Variants in SCAMP2 observed in about 807,000 individuals in gnomAD.
The protein encoded by SCAMP2 is secretory carrier membrane protein 2.
A neutral mutation model predicts 44.1 loss-of-function variants in SCAMP2; 25 were observed. That is an observed-to-expected ratio of 0.57 (90% CI 0.41 to 0.79). The LOEUF is 0.79. Ranked by LOEUF, SCAMP2 falls within the 30% of genes least tolerant of loss-of-function variation. The probability of loss-of-function intolerance (pLI) is 0.00; values close to 1 mark genes in which losing one functional copy is unlikely to be tolerated. For missense variants in SCAMP2, 355 were observed against 411.0 expected (o/e 0.86, Z 1.18); for synonymous variants, 156 against 166.0 (o/e 0.94, Z 0.46).
chr15:74,845,565 C>G lies in SCAMP2; in HGVS notation c.763G>C (p.Asp255His). The G allele has an allele frequency of 1.9e-6, 3 of 1,614,096 alleles. No homozygotes were observed. The South Asian group carries it at 3.3e-5, about 18-fold the overall frequency. The change falls in exon 8 of 9, where the codon GAT becomes CAT. Residue 255 changes from aspartate (D) to histidine (H), a missense_variant. By Grantham distance (81) the Asp-to-His change is moderately conservative. Transcript: ENST00000268099. ...SGWIAALSTL[D>H]NHSLAISVIM... ...ACTGATATGGCCAGGGAATGATTAT[C>G]CAGTGTAGACAGGGCTGCAATCCAA...
intron 1 of SCAMP2, among the ~76,000 whole-genome samples, chr15:74,858,579 G>A (rs768835390): frequency 6.6e-6 from 1 of 152,052 alleles, no homozygotes; most frequent in Non-Finnish European, 1.5e-5. Flanking sequence ...CTTGTCTTAA[G>A]ATCTCAGGGG....
intron 1 of SCAMP2, among the ~76,000 whole-genome samples, chr15:74,862,126 G>A (rs1296587863): frequency 6.7e-6 from 1 of 150,226 alleles, no homozygotes; most frequent in Non-Finnish European, 1.5e-5. Flanking sequence ...AGCCAGGCGT[G>A]GTGGCATGCG....
chr15:74,869,170 G>T (rs886956204), intron 1 of SCAMP2, among the ~76,000 whole-genome samples: 2 of 151,934 alleles, frequency 1.3e-5, no homozygotes, highest in Non-Finnish European at 2.9e-5. Context: ...CATAAACAAA[G>T]AAACAAAAAC....
At chr15:74,862,461 A>G (rs988989983) in intron 1 of SCAMP2, among the ~76,000 whole-genome samples, 1 of 151,432 alleles carries the variant, frequency 6.6e-6, no homozygotes, top group South Asian at 2.1e-4. Flanking sequence ...CTCTAATTCC[A>G]GGTACTTGGG....
chr15:74,859,883 C>T (rs569644123), intron 1 of SCAMP2, among the ~76,000 whole-genome samples: 13 of 152,106 alleles, frequency 8.5e-5, no homozygotes, highest in Non-Finnish European at 1.6e-4. Flanking sequence ...CCTTCCCTTC[C>T]TGTATTCCAC....
In SCAMP2 at chr15:74,850,566, A is replaced by T; in HGVS notation, c.580T>A (p.Phe194Ile). The change falls in exon 6 of 9, where the codon TTC becomes ATC. Residue 194 changes from phenylalanine to isoleucine, a missense_variant. Transcript: ENST00000268099. ...FGLSILWFLI[F>I]TPCAFLCWYR... ...CAACAAAGGAAGGCACAGGGAGTGA[A>T]GATCAGAAACCACAGGATGGAGAGG... 1 of 1,614,130 alleles carries T rather than the reference A, an allele frequency of 6.2e-7. No individual in the cohort carries two copies. Among genetic ancestry groups the T allele is most frequent in the East Asian group, 2.2e-5 (1 of 44,880 alleles).
intron 1 of SCAMP2, among the ~76,000 whole-genome samples, chr15:74,865,882 T>TTGAGGC: frequency 6.8e-6 from 1 of 146,332 alleles, no homozygotes. Context: ...GCCTAGGAGA[T>TTGAGGC]TGAGGCTGCA....
chr15:74,849,447 C>CA (rs1170431181), intron 6 of SCAMP2, among the ~76,000 whole-genome samples: 3 of 151,228 alleles, frequency 2.0e-5, no homozygotes. Context: ...GATTCTGTCT[C>CA]AAAAAAACAA....
chr15:74,862,331 C>A (rs993310244), intron 1 of SCAMP2, among the ~76,000 whole-genome samples: 1 of 141,588 alleles, frequency 7.1e-6, no homozygotes, highest in Admixed American at 7.6e-5. Context: ...AATTCTAGCA[C>A]TTTGGGAGGC....
At chr15:74,853,455 G>A (rs2064448404) in intron 3 of SCAMP2, 1 of 456,456 alleles carries the variant, frequency 2.2e-6, no homozygotes, top group Non-Finnish European at 4.4e-6. Flanking sequence ...TCACTGCCAG[G>A]AATTGGGCAG....
In SCAMP2 at chr15:74,854,618, G is replaced by A. The variant is rs772358308; in HGVS notation, c.89C>T (p.Pro30Leu). 8 of 1,608,868 alleles carry A rather than the reference G, an allele frequency of 5.0e-6. No homozygotes were observed. The highest frequency in any genetic ancestry group is 2.2e-5 in the South Asian group (2 of 89,858). The change falls in exon 2 of 9, where the codon CCG becomes CTG. Residue 30 changes from proline (P) to leucine (L), a missense_variant. By Grantham distance (98) the Pro-to-Leu change is moderately conservative. Transcript: ENST00000268099. ...GTTGAATTCCGCCAGGCCGCCCTGC[G>A]GGGCGTTGGTCAGCTGGGTCACAGA... ...DPSVTQLTNAPQGGLAEFNPF... is the reference protein window; with the variant it reads ...DPSVTQLTNALQGGLAEFNPF...
rs2064385485 is a variant in SCAMP2, at chr15:74,844,982, G to C, written c.*101C>G. ...AAGAGCCACGGCAAGAACCCTGCCA[G>C]GTCTGTGCTGGGCACAACCACCACC... On this transcript the variant is annotated 3_prime_UTR_variant, in exon 9 of 9. Coordinates refer to ENST00000268099, the MANE Select transcript of SCAMP2 (RefSeq NM_005697.5). 7.3e-7 allele frequency: 1 copy of C among 1,370,584 alleles called. No individual in the cohort carries two copies. Among genetic ancestry groups the C allele is most frequent in the Admixed American group, 2.1e-5 (1 of 47,778 alleles). 84.9% of individuals were successfully genotyped at this position (1,370,584 alleles called of 1,614,324 possible).
chr15:74,848,868 C>G (rs565078432), intron 6 of SCAMP2, among the ~76,000 whole-genome samples, 167 bp from the exon 7 acceptor site: 2 of 152,078 alleles, frequency 1.3e-5, no homozygotes, highest in Non-Finnish European at 2.9e-5. Flanking sequence ...ACACACCCCC[C>G]ACCATAATCA....
intron 5 of SCAMP2, 50 bp downstream of exon 5, chr15:74,851,303 A>G: frequency 9.4e-6 from 15 of 1,597,272 alleles, no homozygotes; most frequent in Non-Finnish European, 1.2e-5. Context: ...TGGGGCTCTC[A>G]AGTCACACCC....
chr15:74,853,824 G>A, intron 3 of SCAMP2, 197 bp downstream of exon 3: 1 of 594,114 alleles, frequency 1.7e-6, no homozygotes, highest in Non-Finnish European at 3.0e-6. Flanking sequence ...TGGTGGGTGG[G>A]ATGGAGGGAG....
At position 74,844,902 on chromosome 15, in the gene SCAMP2, G is replaced by A. The variant is rs2064383445; in HGVS notation, c.*181C>T. On this transcript the variant is annotated 3_prime_UTR_variant, in exon 9 of 9. Transcript: ENST00000268099. Reference sequence around the variant, plus strand: ...TTGTTTTTTTTTGTACATAGAGGGGGAAAAAATTCCCTGTCCCTCCCGTTC... The same window carrying A: ...TTGTTTTTTTTTGTACATAGAGGGGAAAAAAATTCCCTGTCCCTCCCGTTC... 1.6e-6 allele frequency: 1 copy of A among 626,726 alleles called. No individual in the cohort carries two copies. Among genetic ancestry groups the A allele is most frequent in the African/African-American group, 1.8e-5 (1 of 54,422 alleles). 38.8% of individuals were successfully genotyped at this position (626,726 alleles called of 1,614,324 possible).
intron 4 of SCAMP2, 192 bp downstream of exon 4, chr15:74,851,877 C>A: frequency 2.1e-6 from 1 of 481,508 alleles, no homozygotes; most frequent in Non-Finnish European, 3.7e-6. Context: ...TAATCTACAG[C>A]CATTACAACT....
At chr15:74,873,175 T>G in intron 1 of SCAMP2, 24 bp downstream of exon 1, 1 of 1,427,570 alleles carries the variant, frequency 7.0e-7, no homozygotes, top group South Asian at 1.5e-5. Flanking sequence ...ATCTGAGAGC[T>G]GGATGGCGGG....
intron 1 of SCAMP2, among the ~76,000 whole-genome samples, chr15:74,866,011 G>GAAGGAAGGA (rs2064541054): frequency 1.6e-5 from 1 of 61,636 alleles, no homozygotes; most frequent in Non-Finnish European, 3.2e-5. Flanking sequence ...AGGAAGGAAG[G>GAAGGAAGGA]AAGGAAAGGA....
Sources: gnomAD v4.1 joint callset for allele counts (sites outside exome capture counted in the v4.1 genomes callset) on GRCh38, gnomAD v4.1.1 for gene constraint, MANE v1.5 for transcripts, NCBI Gene and HGNC (gene_info 2026-07-23, HGNC 2026-07-21) for gene names.